Variants in CCDC172 observed in about 807,000 individuals in gnomAD.
CCDC172 encodes the protein coiled-coil domain-containing protein 172.
CCDC172 carries 30 observed loss-of-function variants against 38.0 expected under a neutral mutation model. That is an observed-to-expected ratio of 0.79 (90% confidence interval 0.59 to 1.07). The LOEUF (loss-of-function observed/expected upper bound fraction) is 1.07, where lower values mean the gene tolerates loss of function less well. Ranked by LOEUF, CCDC172 falls within the 50% of genes least tolerant of loss-of-function variation. The pLI is 0.00. For missense variants in CCDC172, 297 were observed against 290.1 expected (o/e 1.02, Z -0.17); for synonymous variants, 78 against 88.3 (o/e 0.88, Z 0.66).
intron 7 of CCDC172, among the ~76,000 whole-genome samples, chr10:116,364,438 C>A (rs1444898278): frequency 6.6e-6 from 1 of 151,890 alleles, no homozygotes; most frequent in African/African-American, 2.4e-5. Context: ...CCAATAATTC[C>A]ATTTATGAGC....
chr10:116,366,382 T>C (rs1451534840), intron 7 of CCDC172, among the ~76,000 whole-genome samples: 1 of 152,184 alleles, frequency 6.6e-6, no homozygotes, highest in Non-Finnish European at 1.5e-5. Flanking sequence ...TAATTTTCTT[T>C]ATAGTATTAT....
At chr10:116,357,003 T>G (rs1437182361) in intron 5 of CCDC172, among the ~76,000 whole-genome samples, 1 of 152,102 alleles carries the variant, frequency 6.6e-6, no homozygotes, top group Non-Finnish European at 1.5e-5. Context: ...GCTGCTTAGA[T>G]TTTTACTACA....
At chr10:116,332,804 G>T (rs369919074) in intron 3 of CCDC172, among the ~76,000 whole-genome samples, 2 of 151,566 alleles carry the variant, frequency 1.3e-5, no homozygotes, top group East Asian at 3.9e-4. Context: ...CATAGAGTTT[G>T]TTTTCAATAC....
At chr10:116,333,065 G>A (rs565130512) in intron 3 of CCDC172, among the ~76,000 whole-genome samples, 1 of 151,778 alleles carries the variant, frequency 6.6e-6, no homozygotes, top group Non-Finnish European at 1.5e-5. Flanking sequence ...TTGTTTTCTA[G>A]TGGACATGTC....
At chr10:116,335,919 C>CA (rs1238342182) in intron 3 of CCDC172, among the ~76,000 whole-genome samples, 1 of 151,988 alleles carries the variant, frequency 6.6e-6, no homozygotes, top group Non-Finnish European at 1.5e-5. Context: ...GTATTCCCAG[C>CA]ACTTTGAGAG....
intron 5 of CCDC172, among the ~76,000 whole-genome samples, chr10:116,343,975 T>C (rs1158450207): frequency 6.6e-6 from 1 of 152,144 alleles, no homozygotes; most frequent in African/African-American, 2.4e-5. Flanking sequence ...TTCTTAGTGG[T>C]GAGAATGAAG....
chr10:116,335,569 G>C (rs141569088), intron 3 of CCDC172, among the ~76,000 whole-genome samples: 1 of 152,020 alleles, frequency 6.6e-6, no homozygotes, highest in East Asian at 1.9e-4. Context: ...ATTTCATGTT[G>C]TAATTTATGA....
chr10:116,351,338 A>T (rs1844928516), intron 5 of CCDC172, among the ~76,000 whole-genome samples: 1 of 152,158 alleles, frequency 6.6e-6, no homozygotes, highest in African/African-American at 2.4e-5. Context: ...ACATGAACGT[A>T]TTTTCTTTTC....
chr10:116,333,518 A>G (rs1303611726), intron 3 of CCDC172, among the ~76,000 whole-genome samples: 1 of 152,212 alleles, frequency 6.6e-6, no homozygotes, highest in African/African-American at 2.4e-5. Context: ...ATGAATAAAC[A>G]CTACCTCAGC....
At chr10:116,342,405 G>A in intron 5 of CCDC172, 1 of 398,962 alleles carries the variant, frequency 2.5e-6, no homozygotes, top group South Asian at 3.7e-5. Context: ...ATGAACATTT[G>A]GTCATTCATT....
rs201128510 is a variant in CCDC172 at position 116,342,565 on chromosome 10, C to CT, written c.448+365dup. 2.6e-5 allele frequency among the ~76,000 whole-genome samples: 4 copies of CT among 152,148 alleles called. No homozygotes were observed. In the East Asian group the frequency reaches 7.7e-4, roughly 29 times the overall value. ...GGGTTAGGATTGGTGCCCTAATCCT[C>CT]TAACAATCCAGGAGAAGCTAGGAAT... On this transcript the variant is annotated intron_variant, in intron 5 of 8. Coordinates refer to ENST00000333254, the MANE Select transcript of CCDC172 (RefSeq NM_198515.3).
Position 116,325,083 on chromosome 10 carries a change from G to T in CCDC172, c.72G>T (p.Met24Ile), listed in dbSNP as rs1199356903. 3 of 1,613,938 alleles carry T rather than the reference G, an allele frequency of 1.9e-6. No homozygotes were observed. The highest frequency in any genetic ancestry group is 1.3e-5 in the African/African-American group (1 of 75,036). The change falls in exon 2 of 9, where the codon ATG becomes ATT. Residue 24 changes from methionine (M) to isoleucine (I), a missense_variant. Coordinates refer to ENST00000333254, the MANE Select transcript of CCDC172 (RefSeq NM_198515.3). ...EHQAEESRRL[M>I]REVRSEITRC... ...AGGCGGAGGAGAGTCGCCGTTTGAT[G>T]CGAGAAGGTCGGGGTATTTCTGTCC...
intron 5 of CCDC172, 58 bp downstream of exon 5, chr10:116,342,259 G>T: frequency 6.9e-7 from 1 of 1,455,154 alleles, no homozygotes; most frequent in Non-Finnish European, 9.1e-7. Flanking sequence ...TATTTTGAAT[G>T]AATGAATTTT....
rs1168789419 is a variant in CCDC172, at chr10:116,378,456, T to C, written c.687T>C (p.Asp229=). The C allele has an allele frequency of 6.2e-7, 1 of 1,602,692 alleles. No individual in the cohort carries two copies. The highest frequency in any genetic ancestry group is 8.5e-7 in the Non-Finnish European group (1 of 1,176,056). ...AAGAATTAGAACTTTATAAGGAAGA[T>C]GACATGGAAAGTGTTTATGAAGCTC... ...LKKELELYKE[D]DMESVYEALQ... Residue 229 remains aspartate (D), a synonymous_variant, in exon 8 of 9, where the codon GAT becomes GAC. Coordinates refer to ENST00000333254, the MANE Select transcript of CCDC172 (RefSeq NM_198515.3).
At chr10:116,325,163 C>T in intron 2 of CCDC172, 73 bp downstream of exon 2, 1 of 1,545,858 alleles carries the variant, frequency 6.5e-7, no homozygotes. Flanking sequence ...GAAGGAAATC[C>T]CGAAGGCAGT....
chr10:116,328,711 T>A (rs925192913), intron 3 of CCDC172, among the ~76,000 whole-genome samples: 1 of 152,084 alleles, frequency 6.6e-6, no homozygotes, highest in Non-Finnish European at 1.5e-5. Context: ...AATTAAAAAG[T>A]AACTTAAGGT....
At chr10:116,357,127 T>C (rs1416610743) in intron 5 of CCDC172, among the ~76,000 whole-genome samples, 1 of 152,174 alleles carries the variant, frequency 6.6e-6, no homozygotes, top group African/African-American at 2.4e-5. Context: ...TGATTTTTTT[T>C]CTATTTCTGT....
chr10:116,343,684 C>T (rs912854887), intron 5 of CCDC172, among the ~76,000 whole-genome samples: 2 of 152,044 alleles, frequency 1.3e-5, no homozygotes, highest in Admixed American at 1.3e-4. Context: ...CTCTTAAAAA[C>T]TTTGTGGGTC....
At chr10:116,354,916 CA>C (rs1200991791) in intron 5 of CCDC172, among the ~76,000 whole-genome samples, 1 of 151,772 alleles carries the variant, frequency 6.6e-6, no homozygotes, top group Non-Finnish European at 1.5e-5. Flanking sequence ...TCGTTTTTTA[CA>C]AAAAAAGTTT....
Sources: gnomAD v4.1 joint callset for allele counts (sites outside exome capture counted in the v4.1 genomes callset) on GRCh38, gnomAD v4.1.1 for gene constraint, MANE v1.5 for transcripts, NCBI Gene and HGNC (gene_info 2026-07-23, HGNC 2026-07-21) for gene names.